Variants in PACC1 observed in about 807,000 individuals in gnomAD.
PACC1 encodes the protein proton activated chloride channel 1.
Under a neutral mutation model 39.7 loss-of-function variants are expected in PACC1, and 34 were observed. That is an observed-to-expected ratio of 0.86 (90% CI 0.65 to 1.14). The LOEUF is 1.14. PACC1 is among the 50% of genes most tolerant of loss of function. The pLI is 0.00. For synonymous variants in PACC1, 127 were observed against 160.6 expected (o/e 0.79, Z 1.58); for missense variants, 379 against 436.4 (o/e 0.87, Z 1.17).
rs557162123 is a variant in PACC1, at chr1:212,379,978, G to C, written c.555C>G (p.Leu185=). Residue 185 remains leucine, a synonymous_variant, in exon 5 of 8, where the codon CTC becomes CTG. Coordinates refer to ENST00000261455, the MANE Select transcript of PACC1 (RefSeq NM_018252.3). ...CACTACTCTTGTTCAGGCGGAACTG[G>C]AGGAAGACCAGCTCCCGCTTTTTCA... ...REVKKRELVF[L]QFRLNKSSED... The C allele has an allele frequency of 2.0e-5, 33 of 1,614,092 alleles. No homozygotes were observed. Among genetic ancestry groups the C allele is most frequent in the Non-Finnish European group, 2.7e-5 (32 of 1,180,038 alleles).
chr1:212,391,415 G>A (rs1006749469), intron 2 of PACC1, among the ~76,000 whole-genome samples: 1 of 152,108 alleles, frequency 6.6e-6, no homozygotes, highest in Non-Finnish European at 1.5e-5. Flanking sequence ...AAACAGAAAG[G>A]ACATCCACAC....
At chr1:212,413,958 T>C in intron 1 of PACC1, 1 of 1,535,714 alleles carries the variant, frequency 6.5e-7, no homozygotes, top group Non-Finnish European at 8.7e-7. Flanking sequence ...AAGAGGACGG[T>C]TGCCAAAGAT....
intron 1 of PACC1, among the ~76,000 whole-genome samples, chr1:212,410,765 G>A (rs58088494): frequency 0.013 from 1,983 of 152,264 alleles, 42 homozygotes; most frequent in African/African-American, 0.045. Context: ...TTAAAACAAC[G>A]GAAATGTCTT....
chr1:212,368,760 C>T (rs972680876), intron 7 of PACC1, among the ~76,000 whole-genome samples: 1 of 151,998 alleles, frequency 6.6e-6, no homozygotes, highest in Non-Finnish European at 1.5e-5. Flanking sequence ...TGGCCGGGTG[C>T]GGTGGCTCAT....
In PACC1 at chr1:212,385,317, G is replaced by T. The variant is rs1239739841; in HGVS notation, c.452C>A (p.Thr151Asn). 6.2e-7 allele frequency: 1 copy of T among 1,613,994 alleles called. No individual in the cohort carries two copies. Among genetic ancestry groups the T allele is most frequent in the Admixed American group, 1.7e-5 (1 of 59,994 alleles). The change falls in exon 4 of 8, where the codon ACC becomes AAC. Residue 151 changes from threonine (T) to asparagine (N), a missense_variant. By Grantham distance (65) the Thr-to-Asn change is moderately conservative. Coordinates refer to ENST00000261455, the MANE Select transcript of PACC1 (RefSeq NM_018252.3). ...PGQPGDMNCT[T>N]QRINYTDPFS... ...GGGGTCCGTGTAGTTGATCCTCTGG[G>T]TGGTGCAATTCATGTCACCCGGCTG...
At chr1:212,368,052 G>A (rs1660307152) in intron 7 of PACC1, among the ~76,000 whole-genome samples, 1 of 152,060 alleles carries the variant, frequency 6.6e-6, no homozygotes, top group Non-Finnish European at 1.5e-5. Flanking sequence ...CCCCTTGAGG[G>A]AAAGATAAGG....
At chr1:212,389,722 T>C (rs919676144) in intron 2 of PACC1, among the ~76,000 whole-genome samples, 6 of 152,032 alleles carry the variant, frequency 3.9e-5, no homozygotes, top group African/African-American at 9.7e-5. Flanking sequence ...GCCAAATATA[T>C]AGAATTTCAG....
At chr1:212,414,656 C>A (rs1236889904) in intron 1 of PACC1, 66 bp downstream of exon 1, 6 of 1,592,600 alleles carry the variant, frequency 3.8e-6, no homozygotes, top group African/African-American at 1.3e-5. Flanking sequence ...GCCCCGCATC[C>A]GCCCAGGCCC....
chr1:212,384,669 C>T (rs1202608580), intron 4 of PACC1, among the ~76,000 whole-genome samples: 1 of 152,208 alleles, frequency 6.6e-6, no homozygotes, highest in African/African-American at 2.4e-5. Flanking sequence ...ATACAAAACG[C>T]CTACCCTGTC....
intron 2 of PACC1, among the ~76,000 whole-genome samples, chr1:212,409,660 G>C (rs1031942944): frequency 2.0e-5 from 3 of 152,164 alleles, no homozygotes; most frequent in Non-Finnish European, 4.4e-5. Context: ...ATGTGGAGTT[G>C]AGGGAAGCTT....
intron 2 of PACC1, among the ~76,000 whole-genome samples, chr1:212,407,803 G>C (rs530862620): frequency 6.6e-6 from 1 of 152,110 alleles, no homozygotes; most frequent in Non-Finnish European, 1.5e-5. Context: ...GGCCAGGTGC[G>C]GTGGCCCACG....
chr1:212,394,893 C>T (rs1229077804), intron 2 of PACC1, among the ~76,000 whole-genome samples: 4 of 152,076 alleles, frequency 2.6e-5, no homozygotes, highest in Non-Finnish European at 4.4e-5. Context: ...TGTGAAGGAC[C>T]TCTTCAAGGA....
chr1:212,396,955 T>G (rs1185665268), intron 2 of PACC1, among the ~76,000 whole-genome samples: 2 of 152,088 alleles, frequency 1.3e-5, no homozygotes, highest in East Asian at 3.8e-4. Flanking sequence ...AAAAAATTTT[T>G]TGTCTACCAG....
intron 3 of PACC1, 49 bp from the exon 4 acceptor site, chr1:212,385,474 C>T (rs372172973): frequency 2.5e-6 from 4 of 1,602,982 alleles, no homozygotes; most frequent in Non-Finnish European, 3.4e-6. Context: ...CACTCCTGAC[C>T]ACATCCCTGA....
chr1:212,407,852 A>G (rs1661974894), intron 2 of PACC1, among the ~76,000 whole-genome samples: 1 of 152,158 alleles, frequency 6.6e-6, no homozygotes, highest in Admixed American at 6.5e-5. Flanking sequence ...AAGTGGGCGG[A>G]TCACCTGAGG....
intron 5 of PACC1, among the ~76,000 whole-genome samples, chr1:212,378,839 G>C (rs1660764201): frequency 6.6e-6 from 1 of 152,084 alleles, no homozygotes; most frequent in African/African-American, 2.4e-5. Context: ...GAGACAGCAA[G>C]ACCAAACCTC....
intron 2 of PACC1, among the ~76,000 whole-genome samples, chr1:212,396,962 CCAGTAT>C (rs1661551764): frequency 6.6e-6 from 1 of 151,888 alleles, no homozygotes; most frequent in South Asian, 2.1e-4. Flanking sequence ...TTTTTGTCTA[CCAGTAT>C]AATTCTCTAT....
chr1:212,381,452 C>G (rs1483062702), intron 4 of PACC1, among the ~76,000 whole-genome samples: 1 of 152,062 alleles, frequency 6.6e-6, no homozygotes, highest in Admixed American at 6.6e-5. Context: ...AAGCACTGTC[C>G]CTGGTTTCTA....
chr1:212,396,101 G>T (rs1661506512), intron 2 of PACC1, among the ~76,000 whole-genome samples: 1 of 152,202 alleles, frequency 6.6e-6, no homozygotes, highest in Admixed American at 6.5e-5. Context: ...ATACCCAAAG[G>T]AATGTAAATC....
Sources: allele counts gnomAD v4.1 joint callset (sites outside exome capture counted in the v4.1 genomes callset), GRCh38; gene constraint gnomAD v4.1.1; transcripts MANE v1.5; gene names NCBI Gene and HGNC (gene_info 2026-07-23, HGNC 2026-07-21).